Variants in HRK observed in about 807,000 individuals in gnomAD.
HRK encodes harakiri, BCL2 interacting protein, also known as activator of apoptosis harakiri.
Under a neutral mutation model 5.9 loss-of-function variants are expected in HRK, and 6 were observed. That is an observed-to-expected ratio of 1.02 (90% CI 0.56 to 2.01). The LOEUF is 2.01. Ranked by LOEUF, HRK falls within the 30% of genes most tolerant of loss-of-function variation. The pLI is 0.00. For synonymous variants in HRK, 85 were observed against 65.1 expected (o/e 1.31, Z -1.47); for missense variants, 133 against 128.3 (o/e 1.04, Z -0.18).
At chr12:116,867,179 T>C (rs1878577843) in intron 1 of HRK, among the ~76,000 whole-genome samples, 1 of 151,578 alleles carries the variant, frequency 6.6e-6, no homozygotes, top group Non-Finnish European at 1.5e-5. Flanking sequence ...TTCGCAATTA[T>C]TGCCCAGGCT....
At chr12:116,876,008 C>A (rs1256702420) in intron 1 of HRK, among the ~76,000 whole-genome samples, 2 of 152,150 alleles carry the variant, frequency 1.3e-5, no homozygotes, top group Non-Finnish European at 2.9e-5. Context: ...ACGGAAGCCC[C>A]CTCCCCACCT....
chr12:116,870,234 C>T (rs983885070), intron 1 of HRK, among the ~76,000 whole-genome samples: 20 of 152,190 alleles, frequency 1.3e-4, no homozygotes, highest in African/African-American at 4.6e-4. Context: ...TAGCATTTTA[C>T]AGGACTTATT....
chr12:116,864,213 C>T (rs1185898897), intron 1 of HRK, among the ~76,000 whole-genome samples: 2 of 152,148 alleles, frequency 1.3e-5, no homozygotes, highest in African/African-American at 4.8e-5. Flanking sequence ...GTCAGTGTAA[C>T]CCTGCAGCAT....
rs1879001474 is a variant in HRK at position 116,878,065 on chromosome 12, A to T, written c.*56+2911T>A. The stretch of plus-strand genomic sequence containing the variant: ...CGAGTAGCTGGGATTACAGGTGTGC[A>T]CCACCACGCTCAGCTAATTTTTGTA... On this transcript the variant is annotated intron_variant, in intron 1 of 1. Coordinates refer to ENST00000257572, the MANE Select transcript of HRK (RefSeq NM_003806.4). This position sits in a 1 kb window ranked among gnomAD's most constrained non-coding sequence, Gnocchi z 4.4. 6.6e-6 allele frequency among the ~76,000 whole-genome samples: 1 copy of T among 152,060 alleles called. No individual in the cohort carries two copies. The highest frequency in any genetic ancestry group is 1.5e-5 in the Non-Finnish European group (1 of 68,016).
intron 1 of HRK, chr12:116,867,671 A>G (rs1445203995): frequency 2.0e-5 from 3 of 152,202 alleles, no homozygotes; most frequent in African/African-American, 7.2e-5. Context: ...AACAATGCAA[A>G]TGTTCCCAAG....
chr12:116,868,312 C>G (rs543045612), intron 1 of HRK, among the ~76,000 whole-genome samples: 3 of 152,194 alleles, frequency 2.0e-5, no homozygotes, highest in East Asian at 3.9e-4. Flanking sequence ...CAGAACTCAA[C>G]TGCAAGCCAA....
Position 116,863,770 on chromosome 12 carries a change from C to T in HRK, c.*57-2304G>A, listed in dbSNP as rs144684277. Among the ~76,000 whole-genome samples the T allele has an allele frequency of 2.4e-3, 365 of 151,864 alleles. 2 individuals carry two copies. The highest frequency in any genetic ancestry group is 8.2e-3 in the African/African-American group (339 of 41,384). ...CAGGAGTGCAGTGGCGCCATCATAG[C>T]TCACTGCACCCTCGACCTCCTGAGC... On this transcript the variant is annotated intron_variant, in intron 1 of 1. Transcript: ENST00000257572.
chr12:116,864,890 A>C (rs1878484199), intron 1 of HRK, among the ~76,000 whole-genome samples: 1 of 152,098 alleles, frequency 6.6e-6, no homozygotes, highest in African/African-American at 2.4e-5. Flanking sequence ...CCACTGCCCC[A>C]CCCTTGGGAT....
At chr12:116,880,940 T>G in intron 1 of HRK, 36 bp downstream of exon 1, 1 of 1,022,352 alleles carries the variant, frequency 9.8e-7, no homozygotes, top group Admixed American at 4.5e-5. Flanking sequence ...AGTGCCCAGC[T>G]GCCGCGCCCC....
chr12:116,873,530 T>C (rs944796024), intron 1 of HRK, among the ~76,000 whole-genome samples: 2 of 151,906 alleles, frequency 1.3e-5, no homozygotes, highest in Admixed American at 1.3e-4. Flanking sequence ...CAGACCACCA[T>C]ACCTCACTAA....
At position 116,859,560 on chromosome 12, in the gene HRK, G is replaced by A. The variant is rs1878279889; in HGVS notation, c.*1963C>T. Reference sequence around the variant, plus strand: ...CTCTGCAGTCCCCAGCTAAGCGAGGGTCCCCTGCAAACATCAGCTAGGGGG... The same window carrying A: ...CTCTGCAGTCCCCAGCTAAGCGAGGATCCCCTGCAAACATCAGCTAGGGGG... On this transcript the variant is annotated 3_prime_UTR_variant, in exon 2 of 2. Coordinates refer to ENST00000257572, the MANE Select transcript of HRK (RefSeq NM_003806.4). 6.6e-6 allele frequency: 1 copy of A among 152,058 alleles called. No homozygotes were observed. Among genetic ancestry groups the A allele is most frequent in the South Asian group, 2.1e-4 (1 of 4,816 alleles). 9.4% of individuals were successfully genotyped at this position (152,058 alleles called of 1,614,324 possible).
intron 1 of HRK, among the ~76,000 whole-genome samples, chr12:116,875,526 G>T (rs1878894879): frequency 6.6e-6 from 1 of 152,054 alleles, no homozygotes; most frequent in Admixed American, 6.6e-5. Flanking sequence ...TGACTATGTT[G>T]CATAGTTTCT....
intron 1 of HRK, among the ~76,000 whole-genome samples, chr12:116,873,871 T>A (rs1270899135): frequency 6.6e-6 from 1 of 152,112 alleles, no homozygotes; most frequent in Non-Finnish European, 1.5e-5. Context: ...CGTAAAAGGA[T>A]GCAACTTATT....
rs1565881237 is a variant in HRK at position 116,859,994 on chromosome 12, C to CT, written c.*1528dup. On this transcript the variant is annotated 3_prime_UTR_variant, in exon 2 of 2. Transcript: ENST00000257572. ...GCATCCACCTTAAACATGGATCCCA[C>CT]TGCTGGCGTCTTAGAACTGGAGCGG... 6.6e-6 allele frequency: 1 copy of CT among 152,288 alleles called. No homozygotes were observed. Among genetic ancestry groups the CT allele is most frequent in the Non-Finnish European group, 1.5e-5 (1 of 68,084 alleles). 9.4% of individuals were successfully genotyped at this position (152,288 alleles called of 1,614,324 possible).
chr12:116,881,377 C>G lies in HRK; in HGVS notation c.-70G>C. 9.7e-7 allele frequency: 1 copy of G among 1,035,762 alleles called. No individual in the cohort carries two copies. The highest frequency in any genetic ancestry group is 1.2e-6 in the Non-Finnish European group (1 of 863,998). 64.2% of individuals were successfully genotyped at this position (1,035,762 alleles called of 1,614,324 possible). On this transcript the variant is annotated 5_prime_UTR_variant, in exon 1 of 2. Coordinates refer to ENST00000257572, the MANE Select transcript of HRK (RefSeq NM_003806.4). ...CTCCTCTCCCTCCGGCCTCTGCGCC[C>G]GCTGCCGCCGCGCTCCAGCCGCCGG... is the stretch of plus-strand genomic sequence containing the variant.
chr12:116,867,564 G>A (rs1878590519), intron 1 of HRK: 1 of 152,148 alleles, frequency 6.6e-6, no homozygotes, highest in African/African-American at 2.4e-5. Context: ...CTATGATCAT[G>A]CCACTGCACA....
Position 116,881,224 on chromosome 12 carries a change from G to C in HRK, c.84C>G (p.Ser28=), listed in dbSNP as rs1879143187. The change falls in exon 1 of 2, where the codon TCC becomes TCG. Residue 28 remains serine, a synonymous_variant. Transcript: ENST00000257572. Reference sequence around the variant, plus strand: ...GCCGGGCGGCGGTGAGCTGCGCGGCGGACGAGCGCAGCCCCAGGCGACCCG... The same window carrying C: ...GCCGGGCGGCGGTGAGCTGCGCGGCCGACGAGCGCAGCCCCAGGCGACCCG... ...CSAGRLGLRS[S]AAQLTAARLK... 1.8e-6 allele frequency: 2 copies of C among 1,114,568 alleles called. No individual in the cohort carries two copies. The highest frequency in any genetic ancestry group is 2.2e-6 in the Non-Finnish European group (2 of 914,758). 69.0% of individuals were successfully genotyped at this position (1,114,568 alleles called of 1,614,324 possible). A position where few individuals can be genotyped will look rare whatever the true frequency, so the allele number is the denominator to read the frequency against.
chr12:116,872,534 T>C (rs959079551), intron 1 of HRK, among the ~76,000 whole-genome samples: 3 of 152,004 alleles, frequency 2.0e-5, no homozygotes, highest in Admixed American at 2.0e-4. Context: ...TCCCAACACT[T>C]TGGAAAACCA....
At position 116,881,021 on chromosome 12, in the gene HRK, G is replaced by C; in HGVS notation, c.*11C>G. The C allele has an allele frequency of 7.5e-7, 1 of 1,327,820 alleles. No individual in the cohort carries two copies. The highest frequency in any genetic ancestry group is 2.0e-5 in the South Asian group (1 of 49,330). The allele number at this position is 1,327,820 out of a possible 1,614,324, so 82.3% of individuals were successfully genotyped here. The stretch of plus-strand genomic sequence containing the variant: ...GTCTCGGCTCCGGCCCCACCAAGAA[G>C]CCCCGCGTTCCTACAAGTTCCGCCT... On this transcript the variant is annotated 3_prime_UTR_variant, in exon 1 of 2. Transcript: ENST00000257572.
Sources: allele counts gnomAD v4.1 joint callset (sites outside exome capture counted in the v4.1 genomes callset), GRCh38; gene constraint gnomAD v4.1.1; non-coding constraint Gnocchi (gnomAD v3.1); transcripts MANE v1.5; gene names NCBI Gene and HGNC (gene_info 2026-07-23, HGNC 2026-07-21).